The following VEPH1 variants were observed in gnomAD, a reference collection of about 807,000 sequenced individuals.
The protein encoded by VEPH1 is ventricular zone-expressed PH domain-containing protein homolog 1.
Under a neutral mutation model 85.2 loss-of-function variants are expected in VEPH1, and 80 were observed. That is an observed-to-expected ratio of 0.94 (90% CI 0.78 to 1.13). The LOEUF is 1.13. Ranked by LOEUF, VEPH1 falls within the 50% of genes most tolerant of loss-of-function variation. VEPH1 has a pLI of 0.00. For missense variants in VEPH1, 955 were observed against 980.5 expected, an observed-to-expected ratio of 0.97 and a Z score of 0.35; for synonymous variants, 297 against 348.0, an observed-to-expected ratio of 0.85 and a Z score of 1.63.
At chr3:157,462,848 G>A (rs1419835076) in intron 3 of VEPH1, among the ~76,000 whole-genome samples, 1 of 152,148 alleles carries the variant, frequency 6.6e-6, no homozygotes, top group Non-Finnish European at 1.5e-5. Flanking sequence ...CTCAGACACT[G>A]ATCAATGAGA....
At chr3:157,475,110 G>T (rs1016352934) in intron 2 of VEPH1, among the ~76,000 whole-genome samples, 3 of 150,904 alleles carry the variant, frequency 2.0e-5, no homozygotes, top group African/African-American at 7.3e-5. Flanking sequence ...CTCCTGAGTA[G>T]CTGGGATTAC....
At chr3:157,375,523 T>A (rs985686761) in intron 7 of VEPH1, among the ~76,000 whole-genome samples, 1 of 152,192 alleles carries the variant, frequency 6.6e-6, no homozygotes, top group Non-Finnish European at 1.5e-5. Context: ...ACATCAAATA[T>A]GTCTCTTTGC....
At chr3:157,403,007 A>C (rs1319372038) in intron 6 of VEPH1, among the ~76,000 whole-genome samples, 2 of 152,172 alleles carry the variant, frequency 1.3e-5, no homozygotes, top group Non-Finnish European at 2.9e-5. Context: ...CTCACTACAA[A>C]ATAAATTCAG....
intron 2 of VEPH1, among the ~76,000 whole-genome samples, chr3:157,474,522 A>C (rs1737264122): frequency 6.6e-6 from 1 of 152,202 alleles, no homozygotes; most frequent in African/African-American, 2.4e-5. Context: ...TCTAGGAAAT[A>C]ATTTAGTAGC....
chr3:157,339,418 T>A (rs1383534509), intron 9 of VEPH1, among the ~76,000 whole-genome samples: 1 of 152,244 alleles, frequency 6.6e-6, no homozygotes, highest in Non-Finnish European at 1.5e-5. Context: ...CATGGATTTC[T>A]GTGCCCTGGT....
At chr3:157,388,089 T>C (rs1729495155) in intron 6 of VEPH1, among the ~76,000 whole-genome samples, 2 of 152,194 alleles carry the variant, frequency 1.3e-5, no homozygotes. Context: ...TTAAACACAA[T>C]CTTTCTTCAT....
chr3:157,340,434 C>T (rs1723417986), intron 9 of VEPH1, among the ~76,000 whole-genome samples: 1 of 152,188 alleles, frequency 6.6e-6, no homozygotes. Flanking sequence ...GCTAGCACAG[C>T]AGTCTGAGAT....
intron 9 of VEPH1, among the ~76,000 whole-genome samples, chr3:157,344,711 T>G (rs1373550570): frequency 1.3e-5 from 2 of 152,194 alleles, no homozygotes; most frequent in Non-Finnish European, 2.9e-5. Flanking sequence ...AGAGCCCGCA[T>G]TGCCAAGACA....
At position 157,463,477 on chromosome 3, in the gene VEPH1, G is replaced by A. The variant is rs536284722; in HGVS notation, c.355-3122C>T. ...TAGCCCATAGCCAGTATCCTCTGAC[G>A]ACTTCCCTGAATGCCTTTGTCTAGA... On this transcript the variant is annotated intron_variant, in intron 3 of 13. Transcript: ENST00000362010. Among the ~76,000 whole-genome samples the A allele has an allele frequency of 4.6e-5, 7 of 152,208 alleles. No homozygotes were observed. The East Asian group carries it at 1.2e-3, about 25-fold the overall frequency.
intron 4 of VEPH1, among the ~76,000 whole-genome samples, chr3:157,444,055 C>T (rs917452917): frequency 1.3e-5 from 2 of 152,178 alleles, no homozygotes; most frequent in African/African-American, 2.4e-5. Flanking sequence ...CATTCTCTTC[C>T]TTACTCAGAA....
At chr3:157,396,141 G>A (rs946976894) in intron 6 of VEPH1, among the ~76,000 whole-genome samples, 4 of 152,092 alleles carry the variant, frequency 2.6e-5, no homozygotes, top group Admixed American at 6.6e-5. Flanking sequence ...GTGTCCATGT[G>A]TTCTCATTGT....
chr3:157,493,744 C>A (rs931479650), intron 2 of VEPH1, among the ~76,000 whole-genome samples: 1 of 152,096 alleles, frequency 6.6e-6, no homozygotes, highest in Admixed American at 6.5e-5. Flanking sequence ...AACTGAGTCA[C>A]CAGTCCTAAA....
At chr3:157,284,817 G>A (rs1315949888) in intron 12 of VEPH1, among the ~76,000 whole-genome samples, 1 of 152,082 alleles carries the variant, frequency 6.6e-6, no homozygotes, top group Non-Finnish European at 1.5e-5. Flanking sequence ...TAAAATATTT[G>A]GCCTTGTTTG....
chr3:157,471,151 G>A (rs1021301069), intron 2 of VEPH1, among the ~76,000 whole-genome samples: 2 of 152,162 alleles, frequency 1.3e-5, no homozygotes, highest in African/African-American at 4.8e-5. Flanking sequence ...TGGATAATTG[G>A]TCTGACTGTG....
intron 2 of VEPH1, among the ~76,000 whole-genome samples, chr3:157,471,745 T>G (rs1171841937): frequency 6.6e-6 from 1 of 151,890 alleles, no homozygotes; most frequent in East Asian, 1.9e-4. Context: ...TTTGGTACAA[T>G]ATATTTTTCT....
intron 5 of VEPH1, among the ~76,000 whole-genome samples, chr3:157,424,808 A>G (rs901925075): frequency 3.9e-5 from 6 of 152,234 alleles, no homozygotes; most frequent in African/African-American, 1.4e-4. Flanking sequence ...TTATAAGGGA[A>G]GCAGAGCATA....
At chr3:157,300,962 C>G (rs1212820746) in intron 11 of VEPH1, among the ~76,000 whole-genome samples, 1 of 152,230 alleles carries the variant, frequency 6.6e-6, no homozygotes, top group Non-Finnish European at 1.5e-5. Context: ...CATGCCACTT[C>G]TCTCAAGAAC....
chr3:157,452,375 T>G (rs753706550), intron 4 of VEPH1, among the ~76,000 whole-genome samples: 5 of 152,122 alleles, frequency 3.3e-5, no homozygotes, highest in Non-Finnish European at 7.4e-5. Context: ...TGAAAGTTTG[T>G]CATGTGAAAG....
intron 3 of VEPH1, among the ~76,000 whole-genome samples, chr3:157,462,415 C>T (rs1735966030): frequency 6.6e-6 from 1 of 152,076 alleles, no homozygotes; most frequent in African/African-American, 2.4e-5. Flanking sequence ...TATAAACAAC[C>T]TTTGTCTTAG....
Sources: gnomAD v4.1 joint callset for allele counts (sites outside exome capture counted in the v4.1 genomes callset) on GRCh38, gnomAD v4.1.1 for gene constraint, MANE v1.5 for transcripts, NCBI Gene and HGNC (gene_info 2026-07-23, HGNC 2026-07-21) for gene names.